OSTN: variants seen among roughly 807,000 people sequenced by gnomAD.
OSTN encodes osteocrin.
A neutral mutation model predicts 12.0 loss-of-function variants in OSTN; 9 were observed. The observed-to-expected ratio is 0.75, with a 90% CI of 0.45 to 1.30. The LOEUF is 1.30. Ranked by LOEUF, OSTN falls within the 50% of genes most tolerant of loss-of-function variation. OSTN has a pLI of 0.00. For missense variants in OSTN, 148 were observed against 152.3 expected, an observed-to-expected ratio of 0.97 and a Z score of 0.15; for synonymous variants, 59 against 56.9, an observed-to-expected ratio of 1.04 and a Z score of -0.16.
chr3:191,244,581 T>G (rs1332374512), intron 3 of OSTN, among the ~76,000 whole-genome samples: 1 of 148,022 alleles, frequency 6.8e-6, no homozygotes. Context: ...CACCATTATA[T>G]ATATATTATA....
intron 3 of OSTN, among the ~76,000 whole-genome samples, chr3:191,223,330 A>T (rs1406227638): frequency 1.3e-5 from 2 of 152,250 alleles, no homozygotes; most frequent in African/African-American, 4.8e-5. Flanking sequence ...TGAGGAAGCT[A>T]ATACATGAGT....
At chr3:191,233,985 T>TC (rs1715126169) in intron 3 of OSTN, among the ~76,000 whole-genome samples, 1 of 140,622 alleles carries the variant, frequency 7.1e-6, no homozygotes, top group Non-Finnish European at 1.6e-5. Context: ...AGAGCGAAAC[T>TC]CCATCTCAAA....
chr3:191,241,924 A>G (rs1216932122), intron 3 of OSTN, among the ~76,000 whole-genome samples: 1 of 152,324 alleles, frequency 6.6e-6, no homozygotes, highest in African/African-American at 2.4e-5. Context: ...AGAACAAGAA[A>G]AGAAAATTGT....
intron 2 of OSTN, among the ~76,000 whole-genome samples, chr3:191,218,041 G>A (rs577650584): frequency 6.6e-6 from 1 of 152,216 alleles, no homozygotes; most frequent in Non-Finnish European, 1.5e-5. Flanking sequence ...CAAAGTCATT[G>A]ACTAATAACA....
chr3:191,220,289 T>C (rs561258164), intron 3 of OSTN, among the ~76,000 whole-genome samples: 1 of 152,308 alleles, frequency 6.6e-6, no homozygotes, highest in Admixed American at 6.5e-5. Flanking sequence ...TACCTTATAC[T>C]ACATGTATGT....
chr3:191,200,638 G>T (rs1714131090), intron 1 of OSTN, among the ~76,000 whole-genome samples: 1 of 151,810 alleles, frequency 6.6e-6, no homozygotes, highest in Non-Finnish European at 1.5e-5. Context: ...ATTGTATTTT[G>T]TCCTTGTGAA....
intron 4 of OSTN, among the ~76,000 whole-genome samples, chr3:191,255,413 G>A (rs1427911185): frequency 6.6e-6 from 1 of 152,206 alleles, no homozygotes; most frequent in African/African-American, 2.4e-5. Context: ...GTCTTTCCAA[G>A]AGGCTTTTTA....
intron 3 of OSTN, among the ~76,000 whole-genome samples, chr3:191,220,633 G>A (rs914757547): frequency 6.6e-6 from 1 of 152,052 alleles, no homozygotes; most frequent in Non-Finnish European, 1.5e-5. Context: ...CCACTGCTGG[G>A]TAAGTATATC....
intron 4 of OSTN, 60 bp from the exon 5 acceptor site, chr3:191,262,806 C>T (rs2108559200): frequency 1.4e-6 from 1 of 696,682 alleles, no homozygotes; most frequent in South Asian, 1.5e-5. Context: ...AGTTGATGGA[C>T]TTCCACCTGA....
intron 3 of OSTN, among the ~76,000 whole-genome samples, chr3:191,238,785 C>T (rs1715258188): frequency 6.6e-6 from 1 of 152,230 alleles, no homozygotes; most frequent in Non-Finnish European, 1.5e-5. Context: ...CTCTTCTCAG[C>T]TCAGCTCAAG....
chr3:191,236,471 G>C (rs763425040), intron 3 of OSTN, among the ~76,000 whole-genome samples: 5 of 151,910 alleles, frequency 3.3e-5, no homozygotes, highest in Non-Finnish European at 5.9e-5. Context: ...CTACTCCATA[G>C]AGAGTAGGGC....
chr3:191,218,800 G>C lies in OSTN; in HGVS notation c.156G>C (p.Glu52Asp), dbSNP rs761722305. 6.2e-7 allele frequency: 1 copy of C among 1,614,072 alleles called. No homozygotes were observed. Among genetic ancestry groups the C allele is most frequent in the Admixed American group, 1.7e-5 (1 of 60,010 alleles). Residue 52 changes from glutamate to aspartate, a missense_variant, in exon 3 of 5, where the codon GAG becomes GAC. Glu to Asp is a conservative substitution (Grantham distance 45). Transcript: ENST00000682035. Reference protein sequence around the residue: ...DVQSTPTVREEKSATDLTAKL... With the variant: ...DVQSTPTVREDKSATDLTAKL... ...AGTCAACACCCACAGTCAGGGAAGAGAAATCAGCCACTGACCTGACAGCAA... is the reference window on the plus strand; with the variant it reads ...AGTCAACACCCACAGTCAGGGAAGACAAATCAGCCACTGACCTGACAGCAA...
chr3:191,209,086 G>A (rs1426322732), intron 1 of OSTN, among the ~76,000 whole-genome samples: 3 of 152,198 alleles, frequency 2.0e-5, no homozygotes, highest in Non-Finnish European at 4.4e-5. Context: ...TTAAACCTGG[G>A]AGGCAGAGGT....
At chr3:191,238,011 A>C (rs1191194457) in intron 3 of OSTN, among the ~76,000 whole-genome samples, 1 of 152,226 alleles carries the variant, frequency 6.6e-6, no homozygotes, top group Non-Finnish European at 1.5e-5. Flanking sequence ...AAAAAGTCTA[A>C]CATTTTATTT....
chr3:191,204,904 G>A (rs151282263), intron 1 of OSTN, among the ~76,000 whole-genome samples: 2,388 of 152,144 alleles, frequency 0.016, 65 homozygotes, highest in African/African-American at 0.05. Flanking sequence ...TCTGCCTTCA[G>A]CTTCATAACA....
intron 1 of OSTN, among the ~76,000 whole-genome samples, chr3:191,212,143 C>T (rs545188849): frequency 7.2e-5 from 11 of 152,232 alleles, no homozygotes; most frequent in Admixed American, 5.9e-4. Flanking sequence ...TCACCACAGA[C>T]CAATCAGGAC....
At chr3:191,236,244 A>G (rs1414386568) in intron 3 of OSTN, among the ~76,000 whole-genome samples, 1 of 152,164 alleles carries the variant, frequency 6.6e-6, no homozygotes, top group Non-Finnish European at 1.5e-5. Context: ...GCCACAGCCA[A>G]AAACTGAGAT....
In OSTN at chr3:191,246,604, C is replaced by CAAAAA. The variant is rs34157872; in HGVS notation, c.318-3424_318-3420dup. Among the ~76,000 whole-genome samples, 205 of 106,872 alleles carry CAAAAA rather than the reference C, an allele frequency of 1.9e-3. 1 individual carries two copies. The highest frequency in any genetic ancestry group is 7.7e-3 in the African/African-American group (193 of 24,998). 70.1% of individuals were successfully genotyped at this position (106,872 alleles called of 152,430 possible). On this transcript the variant is annotated intron_variant, in intron 3 of 4. Coordinates refer to ENST00000682035, the MANE Select transcript of OSTN (RefSeq NM_198184.2). ...TGGGTGACAGAGCTAGACCCTGTAT[C>CAAAAA]AAAAAAAAAAAAAGAAAGAAAGAAA...
intron 4 of OSTN, among the ~76,000 whole-genome samples, chr3:191,251,391 A>G (rs1324968906): frequency 2.0e-5 from 3 of 152,186 alleles, no homozygotes; most frequent in African/African-American, 4.8e-5. Context: ...TCCCTAACAA[A>G]TAAGACAAAC....
Sources: allele counts gnomAD v4.1 joint callset (sites outside exome capture counted in the v4.1 genomes callset), GRCh38; gene constraint gnomAD v4.1.1; transcripts MANE v1.5; gene names NCBI Gene and HGNC (gene_info 2026-07-23, HGNC 2026-07-21).